SEMA3D: variants seen among roughly 807,000 people sequenced by gnomAD.
The protein encoded by SEMA3D is semaphorin-3D.
In SEMA3D, 84 loss-of-function variants were observed where a neutral mutation model predicts 100.1. That is an observed-to-expected ratio of 0.84 (90% CI 0.70 to 1.01). SEMA3D has a LOEUF of 1.01. Ranked by LOEUF, SEMA3D falls within the 50% of genes least tolerant of loss-of-function variation. The pLI, the probability that SEMA3D is intolerant of heterozygous loss-of-function variation, is 0.00. For missense variants in SEMA3D, 875 were observed against 934.1 expected, an observed-to-expected ratio of 0.94 and a Z score of 0.82; for synonymous variants, 312 against 320.7, an observed-to-expected ratio of 0.97 and a Z score of 0.29.
Position 85,080,416 on chromosome 7 carries a change from T to A in SEMA3D, c.375+1101A>T, listed in dbSNP as rs1583902993. ...ATGTCATATTTTATTTCTATCACATTGATAGAGGATTCTTTAATCTATTCA... is the reference window on the plus strand; with the variant it reads ...ATGTCATATTTTATTTCTATCACATAGATAGAGGATTCTTTAATCTATTCA... On this transcript the variant is annotated intron_variant, in intron 5 of 18. Transcript: ENST00000284136. 3.9e-5 allele frequency among the ~76,000 whole-genome samples: 6 copies of A among 152,272 alleles called. 1 individual carries two copies. Among genetic ancestry groups the A allele is most frequent in the Admixed American group, 3.9e-4 (6 of 15,284 alleles).
intron 4 of SEMA3D, among the ~76,000 whole-genome samples, chr7:85,097,363 G>C (rs950437150): frequency 4.6e-5 from 7 of 151,694 alleles, no homozygotes; most frequent in African/African-American, 1.5e-4. Context: ...AAGCAGTATG[G>C]TGTTTGTTAT....
chr7:85,233,696 T>C, the SEMA3D span, among the ~76,000 whole-genome samples: 821 of 152,340 alleles, frequency 5.4e-3, 11 homozygotes, highest in African/African-American at 0.019. Context: ...GAGATCAGTC[T>C]GGTTTTACTA....
intron 1 of SEMA3D, among the ~76,000 whole-genome samples, chr7:85,155,280 C>A (rs533498854): frequency 6.6e-6 from 1 of 152,010 alleles, no homozygotes; most frequent in African/African-American, 2.4e-5. Context: ...TTTGTATTTT[C>A]TCTTGTAAGT....
At chr7:85,049,730 G>C (rs970006020) in intron 9 of SEMA3D, among the ~76,000 whole-genome samples, 2 of 151,694 alleles carry the variant, frequency 1.3e-5, no homozygotes, top group Non-Finnish European at 2.9e-5. Context: ...AATCTTCAAA[G>C]GCAGTAATTG....
At chr7:85,136,355 A>C (rs1465842597) in intron 2 of SEMA3D, among the ~76,000 whole-genome samples, 1 of 152,102 alleles carries the variant, frequency 6.6e-6, no homozygotes, top group Non-Finnish European at 1.5e-5. Flanking sequence ...TATTTTACTT[A>C]ATCATTCAAC....
At position 85,018,285 on chromosome 7, in the gene SEMA3D, T is replaced by C. The variant is rs1424189049; in HGVS notation, c.1512A>G (p.Ser504=). The C allele has an allele frequency of 1.9e-6, 3 of 1,588,858 alleles. No homozygotes were observed. The highest frequency in any genetic ancestry group is 1.7e-6 in the Non-Finnish European group (2 of 1,158,528). Residue 504 remains serine, a synonymous_variant, in exon 15 of 19, where the codon TCA becomes TCG. Transcript: ENST00000284136. ...GAGACAATTCCATGTTCAAGATGAT[T>C]GATGAGTGCTGAAAATAGAAGTTAA... ...LEELQIFKHS[S]IILNMELSLK...
At chr7:85,174,002 A>C (rs1054621088) in intron 1 of SEMA3D, among the ~76,000 whole-genome samples, 2 of 152,186 alleles carry the variant, frequency 1.3e-5, no homozygotes, top group African/African-American at 4.8e-5. Flanking sequence ...AGTAATCAGG[A>C]CTAATCTCAG....
intron 2 of SEMA3D, among the ~76,000 whole-genome samples, chr7:85,129,424 T>A (rs939881538): frequency 2.0e-5 from 3 of 152,152 alleles, no homozygotes; most frequent in Non-Finnish European, 2.9e-5. Context: ...CTGAAAAAAA[T>A]TAGTTATGTC....
At chr7:85,248,127 CA>C in the SEMA3D span, among the ~76,000 whole-genome samples, 3 of 151,924 alleles carry the variant, frequency 2.0e-5, no homozygotes, top group African/African-American at 7.2e-5. Context: ...TAAAATTCAA[CA>C]AAAAGAAAAC....
rs578007305 is a variant in SEMA3D at position 85,091,132 on chromosome 7, GGGAA to G, written c.312+6669_312+6672del. 5.0e-3 allele frequency among the ~76,000 whole-genome samples: 689 copies of G among 138,026 alleles called. 8 individuals are homozygous for G. Among genetic ancestry groups the G allele is most frequent in the African/African-American group, 0.017 (615 of 36,376 alleles). The allele number at this position is 138,026 out of a possible 152,430, so 90.6% of individuals were successfully genotyped here. On this transcript the variant is annotated intron_variant, in intron 4 of 18. Transcript: ENST00000284136. ...AGGGAGGGAAAGAAGGAAGGAAGGAGGGAAGGAAGGAAGGAAGGAGGGAAGGAAG... is the reference window on the plus strand; with the variant it reads ...AGGGAGGGAAAGAAGGAAGGAAGGAGGGAAGGAAGGAAGGAGGGAAGGAAG...
intron 8 of SEMA3D, among the ~76,000 whole-genome samples, chr7:85,063,621 A>G (rs1791535229): frequency 6.6e-6 from 1 of 151,984 alleles, no homozygotes; most frequent in Non-Finnish European, 1.5e-5. Context: ...TACTTCCACT[A>G]CTTTTGTTGC....
the SEMA3D span, among the ~76,000 whole-genome samples, chr7:85,204,329 C>G: frequency 7.4e-6 from 1 of 134,334 alleles, no homozygotes; most frequent in Non-Finnish European, 1.6e-5. Context: ...TAAACTGCAG[C>G]TATTGATCTA....
intron 6 of SEMA3D, among the ~76,000 whole-genome samples, chr7:85,069,018 A>G (rs1583891300): frequency 6.6e-6 from 1 of 152,162 alleles, no homozygotes; most frequent in East Asian, 1.9e-4. Flanking sequence ...ATATGAATGT[A>G]TAATGAATAT....
At chr7:85,232,935 G>A in the SEMA3D span, among the ~76,000 whole-genome samples, 1 of 152,172 alleles carries the variant, frequency 6.6e-6, no homozygotes, top group African/African-American at 2.4e-5. Context: ...TTTCTGAATG[G>A]AGAGGGAGAG....
chr7:85,132,067 A>G (rs1006131788), intron 2 of SEMA3D, among the ~76,000 whole-genome samples: 1 of 151,930 alleles, frequency 6.6e-6, no homozygotes, highest in South Asian at 2.1e-4. Flanking sequence ...AATCATGTTT[A>G]AAAACAGCTA....
At chr7:85,099,149 T>C (rs562383318) in intron 3 of SEMA3D, among the ~76,000 whole-genome samples, 1 of 152,144 alleles carries the variant, frequency 6.6e-6, no homozygotes, top group South Asian at 2.1e-4. Context: ...TGGAGGTTTT[T>C]GTGTGGACAT....
the SEMA3D span, among the ~76,000 whole-genome samples, chr7:85,225,453 TGAG>T: frequency 6.6e-6 from 1 of 151,710 alleles, no homozygotes; most frequent in Non-Finnish European, 1.5e-5. Context: ...CTATGTTTAA[TGAG>T]GAGGTCTTCC....
chr7:85,018,148 T>C lies in SEMA3D; in HGVS notation c.1545+104A>G, dbSNP rs1326968197. ...AGAAACAAATAATGTTTTAAATTTC[T>C]TAAAATTTAACTCCCAATTTCAATG... On this transcript the variant is annotated intron_variant, in intron 15 of 18. Coordinates refer to ENST00000284136, the MANE Select transcript of SEMA3D (RefSeq NM_001384900.1). 4.0e-6 allele frequency: 3 copies of C among 750,450 alleles called. No homozygotes were observed. In the South Asian group the frequency reaches 4.7e-5, roughly 12 times the overall value. 46.5% of individuals were successfully genotyped at this position (750,450 alleles called of 1,614,324 possible).
chr7:85,190,466 C>A (rs1458489382), upstream of SEMA3D, among the ~76,000 whole-genome samples: 1 of 152,078 alleles, frequency 6.6e-6, no homozygotes, highest in African/African-American at 2.4e-5. Flanking sequence ...CTAGTTGGAA[C>A]AAGTGAGTGC....
Sources: allele counts gnomAD v4.1 joint callset (sites outside exome capture counted in the v4.1 genomes callset), GRCh38; gene constraint gnomAD v4.1.1; transcripts MANE v1.5; gene names NCBI Gene and HGNC (gene_info 2026-07-23, HGNC 2026-07-21).